Variants in MRTFA observed in about 807,000 individuals in gnomAD.
MRTFA encodes myocardin related transcription factor A, also known as myocardin-related transcription factor A.
MRTFA carries 20 observed loss-of-function variants against 83.5 expected under a neutral mutation model. The ratio of observed to expected loss-of-function variants is 0.24; its 90% CI spans 0.17 to 0.35. The LOEUF (loss-of-function observed/expected upper bound fraction) is 0.35. MRTFA is among the 10% of genes least tolerant of loss of function. The probability of loss-of-function intolerance (pLI) is 1.00; values close to 1 mark genes in which losing one functional copy is unlikely to be tolerated. For missense variants in MRTFA, 1,200 were observed against 1,224.7 expected (o/e 0.98, Z 0.30); for synonymous variants, 659 against 541.2 (o/e 1.22, Z -3.02).
chr22:40,468,278 C>T (rs931029192), intron 3 of MRTFA, among the ~76,000 whole-genome samples: 3 of 152,098 alleles, frequency 2.0e-5, no homozygotes, highest in African/African-American at 7.2e-5. Flanking sequence ...GCTCTTCCAC[C>T]GGTCATTTGT....
At chr22:40,500,382 T>C (rs1246719581) in intron 3 of MRTFA, among the ~76,000 whole-genome samples, 1 of 149,480 alleles carries the variant, frequency 6.7e-6, no homozygotes, top group Non-Finnish European at 1.5e-5. Context: ...TTATTTTTTT[T>C]ATATTTTTAT....
intron 2 of MRTFA, among the ~76,000 whole-genome samples, chr22:40,581,215 T>C (rs1372601683): frequency 1.3e-5 from 2 of 152,204 alleles, no homozygotes; most frequent in Non-Finnish European, 2.9e-5. Flanking sequence ...ATAGGTTGCA[T>C]TAAAATGCCA....
At chr22:40,572,906 G>A (rs2055816349) in intron 2 of MRTFA, among the ~76,000 whole-genome samples, 1 of 152,192 alleles carries the variant, frequency 6.6e-6, no homozygotes, top group South Asian at 2.1e-4. Flanking sequence ...GAGAATTGTA[G>A]GAGTTACAAT....
At chr22:40,549,657 A>G (rs2055415740) in intron 3 of MRTFA, among the ~76,000 whole-genome samples, 1 of 152,248 alleles carries the variant, frequency 6.6e-6, no homozygotes, top group Non-Finnish European at 1.5e-5. Flanking sequence ...TCACTTTGTG[A>G]TAATAACAAC....
In MRTFA at chr22:40,410,748, T is replaced by G. The variant is rs56066924; in HGVS notation, c.*642A>C. On this transcript the variant is annotated 3_prime_UTR_variant, in exon 15 of 15. Transcript: ENST00000355630. ...TCCAGGCCCTTCTGTGAGAGTAGGA[T>G]GGGAGGGAGTTGCACCCATCTCCTG... is the stretch of plus-strand genomic sequence containing the variant. The G allele has an allele frequency of 0.037, 8,667 of 232,878 alleles. 232 individuals are homozygous for G. Among genetic ancestry groups the G allele is most frequent in the Non-Finnish European group, 0.057 (6,662 of 117,906 alleles). 14.4% of individuals were successfully genotyped at this position (232,878 alleles called of 1,614,324 possible).
intron 1 of MRTFA, among the ~76,000 whole-genome samples, chr22:40,633,325 A>C (rs2056660793): frequency 6.6e-6 from 1 of 152,208 alleles, no homozygotes; most frequent in Non-Finnish European, 1.5e-5. Flanking sequence ...ACTGCCTTTG[A>C]AGCTGGGAAG....
At chr22:40,507,450 T>C (rs560116017) in intron 3 of MRTFA, among the ~76,000 whole-genome samples, 1 of 151,906 alleles carries the variant, frequency 6.6e-6, no homozygotes, top group Non-Finnish European at 1.5e-5. Flanking sequence ...CTGGGTAACA[T>C]GGCAAAATCC....
At chr22:40,429,212 C>T in intron 7 of MRTFA, 1 of 581,520 alleles carries the variant, frequency 1.7e-6, no homozygotes, top group South Asian at 2.1e-5. Context: ...GTGGAAAGGG[C>T]CAGTCTCCAA....
intron 4 of MRTFA, among the ~76,000 whole-genome samples, chr22:40,441,853 C>T (rs889406434): frequency 6.6e-6 from 1 of 151,528 alleles, no homozygotes; most frequent in Non-Finnish European, 1.5e-5. Context: ...CACACACACA[C>T]ACTTTCACAC....
At chr22:40,473,319 C>A (rs1264736065) in intron 3 of MRTFA, among the ~76,000 whole-genome samples, 1 of 151,994 alleles carries the variant, frequency 6.6e-6, no homozygotes, top group South Asian at 2.1e-4. Context: ...ACCACCACAC[C>A]CAGCTAATTT....
intron 2 of MRTFA, among the ~76,000 whole-genome samples, chr22:40,576,490 C>T (rs550411349): frequency 6.6e-6 from 1 of 152,100 alleles, no homozygotes; most frequent in African/African-American, 2.4e-5. Flanking sequence ...TCAATTTACA[C>T]CATAAATTTA....
At chr22:40,594,800 C>T (rs146109177) in intron 1 of MRTFA, 65 bp from the exon 2 acceptor site, 10 of 149,944 alleles carry the variant, frequency 6.7e-5, no homozygotes, top group African/African-American at 2.0e-4. Context: ...TCCTAAAAGG[C>T]GTTTGGTTTC....
At chr22:40,517,969 A>T (rs1287668306) in intron 3 of MRTFA, among the ~76,000 whole-genome samples, 1 of 152,096 alleles carries the variant, frequency 6.6e-6, no homozygotes, top group Non-Finnish European at 1.5e-5. Flanking sequence ...ATAGAAACCA[A>T]AAAGGACAGG....
intron 2 of MRTFA, among the ~76,000 whole-genome samples, chr22:40,562,630 AG>A (rs1254887419): frequency 9.2e-4 from 39 of 42,380 alleles, no homozygotes; most frequent in African/African-American, 3.5e-3. Context: ...AGGGAGAGGA[AG>A]GGGGAAAGGG....
At chr22:40,576,324 C>A (rs981782880) in intron 2 of MRTFA, among the ~76,000 whole-genome samples, 5 of 152,126 alleles carry the variant, frequency 3.3e-5, no homozygotes, top group African/African-American at 1.2e-4. Flanking sequence ...AGCTACCGCA[C>A]CCAGCCTAAA....
At chr22:40,524,336 T>C (rs1167876684) in intron 3 of MRTFA, among the ~76,000 whole-genome samples, 2 of 152,170 alleles carry the variant, frequency 1.3e-5, no homozygotes, top group African/African-American at 2.4e-5. Flanking sequence ...AAACATTGTA[T>C]ACTAACACCA....
chr22:40,557,610 T>A (rs957598334), intron 2 of MRTFA, among the ~76,000 whole-genome samples: 1 of 151,988 alleles, frequency 6.6e-6, no homozygotes, highest in Non-Finnish European at 1.5e-5. Flanking sequence ...GTCTCTTTTT[T>A]AAAAAAAATT....
intron 4 of MRTFA, among the ~76,000 whole-genome samples, chr22:40,456,989 G>C (rs1310465521): frequency 6.6e-6 from 1 of 152,164 alleles, no homozygotes; most frequent in Non-Finnish European, 1.5e-5. Context: ...TCAGGAAAAA[G>C]AATGTTGAAA....
intron 2 of MRTFA, among the ~76,000 whole-genome samples, chr22:40,570,905 T>C (rs2055780917): frequency 6.6e-6 from 1 of 151,334 alleles, no homozygotes; most frequent in East Asian, 1.9e-4. Context: ...ATAAAGAACA[T>C]GGAGCCAGGA....
Sources: allele counts gnomAD v4.1 joint callset (sites outside exome capture counted in the v4.1 genomes callset), GRCh38; gene constraint gnomAD v4.1.1; transcripts MANE v1.5; gene names NCBI Gene and HGNC (gene_info 2026-07-23, HGNC 2026-07-21).